Variants in GALNT11 observed in about 807,000 individuals in gnomAD.
GALNT11 encodes polypeptide N-acetylgalactosaminyltransferase 11.
A neutral mutation model predicts 72.7 loss-of-function variants in GALNT11; 47 were observed. The observed-to-expected ratio is 0.65, with a 90% CI of 0.51 to 0.82. The LOEUF (loss-of-function observed/expected upper bound fraction) is 0.82. GALNT11 is among the 40% of genes least tolerant of loss of function. The pLI is 0.00. For synonymous variants in GALNT11, 270 were observed against 286.6 expected, an observed-to-expected ratio of 0.94 and a Z score of 0.58; for missense variants, 677 against 778.4, an observed-to-expected ratio of 0.87 and a Z score of 1.55.
At chr7:152,085,754 G>A (rs1450462702) in intron 1 of GALNT11, among the ~76,000 whole-genome samples, 1 of 152,004 alleles carries the variant, frequency 6.6e-6, no homozygotes, top group Non-Finnish European at 1.5e-5. Context: ...TCGCTCTCTT[G>A]CCCAGGTTGG....
chr7:152,087,110 CT>C (rs1198888559), intron 1 of GALNT11, among the ~76,000 whole-genome samples: 1 of 152,178 alleles, frequency 6.6e-6, no homozygotes, highest in Non-Finnish European at 1.5e-5. Flanking sequence ...GACAAAAGCT[CT>C]TTCCCTATTG....
intron 1 of GALNT11, among the ~76,000 whole-genome samples, chr7:152,055,551 GTGTGTGTGTGTGTGTGTA>G (rs2083623872): frequency 1.3e-5 from 2 of 149,004 alleles, no homozygotes; most frequent in Admixed American, 6.7e-5. Flanking sequence ...GTGTGTGTGT[GTGTGTGTGTGTGTGTGTA>G]TATATACATA....
At chr7:152,102,393 T>G (rs1352491420) in intron 3 of GALNT11, among the ~76,000 whole-genome samples, 1 of 151,804 alleles carries the variant, frequency 6.6e-6, no homozygotes, top group Non-Finnish European at 1.5e-5. Flanking sequence ...AATACAAAAA[T>G]TACCTGGGCG....
In GALNT11 at chr7:152,058,095, T is replaced by A. The variant is rs555152955; in HGVS notation, c.-39+32211T>A. On this transcript the variant is annotated intron_variant, in intron 1 of 11. Coordinates refer to ENST00000430044, the MANE Select transcript of GALNT11 (RefSeq NM_022087.4). ...GAATCACACACATTTTTTGGGGGGG[T>A]GCATATAAAAGTTATGTTTACACTA... Among the ~76,000 whole-genome samples, 10 of 152,078 alleles carry A rather than the reference T, an allele frequency of 6.6e-5. No homozygotes were observed. In the East Asian group the frequency reaches 1.9e-3, roughly 29 times the overall value.
Position 152,093,236 on chromosome 7 carries a change from A to G in GALNT11, c.-38-954A>G, listed in dbSNP as rs528156556. Among the ~76,000 whole-genome samples the G allele has an allele frequency of 3.0e-3, 384 of 126,384 alleles. 3 individuals are homozygous for G. Among genetic ancestry groups the G allele is most frequent in the Admixed American group, 0.018 (236 of 12,952 alleles). The allele number at this position is 126,384 out of a possible 152,430, so 82.9% of individuals were successfully genotyped here. ...AGAGTGAGACTCTGTCTTAAAAAGG[A>G]AAAAAAAAAAAAAAGCTTAGGAAAA... On this transcript the variant is annotated intron_variant, in intron 1 of 11. Transcript: ENST00000430044.
intron 1 of GALNT11, among the ~76,000 whole-genome samples, chr7:152,032,686 A>C (rs1279877817): frequency 6.6e-6 from 1 of 152,164 alleles, no homozygotes; most frequent in Non-Finnish European, 1.5e-5. Flanking sequence ...CTGGGCAGGC[A>C]TTTTTTGCCC....
At chr7:152,057,373 C>A (rs1323080410) in intron 1 of GALNT11, among the ~76,000 whole-genome samples, 2 of 149,292 alleles carry the variant, frequency 1.3e-5, no homozygotes, top group Non-Finnish European at 3.0e-5. Context: ...GTGGTGCCAT[C>A]TCGGTTTACT....
rs751387828 is a variant in GALNT11 at position 152,108,215 on chromosome 7, G to A, written c.890G>A (p.Gly297Glu). Reference protein sequence around the residue: ...SPVVRGGFNWGLHFKWDLVPL... With the variant: ...SPVVRGGFNWELHFKWDLVPL... ...GTCGTCCGCGGAGGGTTCAACTGGG[G>A]ACTGCACTTCAAATGGGATCTTGTC... The change falls in exon 6 of 12, where the codon GGA becomes GAA. Residue 297 changes from glycine (G) to glutamate (E), a missense_variant. Physicochemically the swap from Gly to Glu is moderately conservative, Grantham distance 98. Coordinates refer to ENST00000430044, the MANE Select transcript of GALNT11 (RefSeq NM_022087.4). The A allele has an allele frequency of 6.2e-7, 1 of 1,614,182 alleles. No individual in the cohort carries two copies. Among genetic ancestry groups the A allele is most frequent in the Non-Finnish European group, 8.5e-7 (1 of 1,180,038 alleles).
chr7:152,119,633 G>A (rs1437429217), intron 10 of GALNT11: 1 of 152,174 alleles, frequency 6.6e-6, no homozygotes, highest in African/African-American at 2.4e-5. Flanking sequence ...CCAGCACTTT[G>A]GGAGGATGAG....
chr7:152,060,694 A>T (rs571562714), intron 1 of GALNT11, among the ~76,000 whole-genome samples: 1 of 151,034 alleles, frequency 6.6e-6, no homozygotes, highest in Non-Finnish European at 1.5e-5. Flanking sequence ...TCATTGTTCA[A>T]TTCCCACCTA....
chr7:152,107,982 T>G, intron 5 of GALNT11, 56 bp from the exon 6 acceptor site: 1 of 1,558,800 alleles, frequency 6.4e-7, no homozygotes, highest in Non-Finnish European at 8.7e-7. Context: ...GACGGGTGGT[T>G]GTACCTAAAT....
chr7:152,046,355 G>GA (rs1256498006), intron 1 of GALNT11, among the ~76,000 whole-genome samples: 1 of 152,078 alleles, frequency 6.6e-6, no homozygotes, highest in African/African-American at 2.4e-5. Flanking sequence ...ATATATCTTT[G>GA]TTGATTTTTT....
intron 2 of GALNT11, among the ~76,000 whole-genome samples, 199 bp from the exon 3 acceptor site, chr7:152,100,599 T>C (rs909611801): frequency 6.6e-6 from 1 of 151,074 alleles, no homozygotes; most frequent in African/African-American, 2.4e-5. Flanking sequence ...TGTGAGCAGG[T>C]GGTGTTTATG....
At chr7:152,037,666 C>T (rs1295061607) in intron 1 of GALNT11, among the ~76,000 whole-genome samples, 3 of 151,814 alleles carry the variant, frequency 2.0e-5, no homozygotes, top group Admixed American at 6.6e-5. Context: ...GGGATTGCAT[C>T]GAATCTGTAG....
chr7:152,085,451 G>A (rs2085583391), intron 1 of GALNT11, among the ~76,000 whole-genome samples: 1 of 152,166 alleles, frequency 6.6e-6, no homozygotes, highest in Non-Finnish European at 1.5e-5. Flanking sequence ...TAAGTAACCT[G>A]AGATACTTGC....
chr7:152,072,418 T>A (rs2084708941), intron 1 of GALNT11, among the ~76,000 whole-genome samples: 1 of 152,162 alleles, frequency 6.6e-6, no homozygotes. Context: ...ATATCTTTTC[T>A]CAGAACTAAC....
At chr7:152,111,197 TGGA>T (rs1414856896) in intron 7 of GALNT11, among the ~76,000 whole-genome samples, 3 of 152,024 alleles carry the variant, frequency 2.0e-5, no homozygotes, top group Non-Finnish European at 2.9e-5. Context: ...CTGCCCAGGT[TGGA>T]GTAGAGTGGG....
At chr7:152,100,427 G>A (rs1374539247) in intron 2 of GALNT11, among the ~76,000 whole-genome samples, 4 of 151,990 alleles carry the variant, frequency 2.6e-5, no homozygotes, top group African/African-American at 7.2e-5. Flanking sequence ...TTAGCTGGGC[G>A]TGGTGGCATT....
chr7:152,048,688 C>T (rs980382446), intron 1 of GALNT11, among the ~76,000 whole-genome samples: 1 of 151,750 alleles, frequency 6.6e-6, no homozygotes, highest in African/African-American at 2.4e-5. Flanking sequence ...CACCACCACG[C>T]CTGGCTAATT....
Sources: allele counts gnomAD v4.1 joint callset (sites outside exome capture counted in the v4.1 genomes callset), GRCh38; gene constraint gnomAD v4.1.1; transcripts MANE v1.5; gene names NCBI Gene and HGNC (gene_info 2026-07-23, HGNC 2026-07-21).